The following ADAMTSL1 variants were observed in gnomAD, a reference collection of about 807,000 sequenced individuals.
The protein encoded by ADAMTSL1 is ADAMTS like 1.
Under a neutral mutation model 201.8 loss-of-function variants are expected in ADAMTSL1, and 126 were observed. The observed-to-expected ratio is 0.62, with a 90% CI of 0.54 to 0.72. ADAMTSL1 has a LOEUF of 0.72. ADAMTSL1 is among the 30% of genes least tolerant of loss of function. The probability of loss-of-function intolerance (pLI) is 0.00; values close to 1 mark genes in which losing one functional copy is unlikely to be tolerated. For missense variants in ADAMTSL1, 2,679 were observed against 2,277.8 expected (o/e 1.18, Z -3.59); for synonymous variants, 1,121 against 903.4 (o/e 1.24, Z -4.32).
chr9:18,605,689 C>T (rs1407277099), intron 4 of ADAMTSL1, among the ~76,000 whole-genome samples: 2 of 152,168 alleles, frequency 1.3e-5, no homozygotes, highest in African/African-American at 4.8e-5. Flanking sequence ...ATCTTGAACA[C>T]TTTTGGTGCT....
At chr9:18,852,799 G>C (rs1190647684) in intron 23 of ADAMTSL1, among the ~76,000 whole-genome samples, 1 of 152,132 alleles carries the variant, frequency 6.6e-6, no homozygotes, top group Non-Finnish European at 1.5e-5. Flanking sequence ...ACTGATTTGA[G>C]AATCAAATTA....
At chr9:18,400,900 C>G in intron 2 of ADAMTSL1, among the ~76,000 whole-genome samples, 1 of 152,086 alleles carries the variant, frequency 6.6e-6, no homozygotes, top group African/African-American at 2.4e-5. Flanking sequence ...CTGGCAATAA[C>G]TGTACGATAC....
At chr9:17,930,296 C>T (rs1369905120) in intron 1 of ADAMTSL1, among the ~76,000 whole-genome samples, 5 of 152,042 alleles carry the variant, frequency 3.3e-5, no homozygotes, top group African/African-American at 9.7e-5. Flanking sequence ...ACCCTGGTGC[C>T]TGTATCTGGA....
chr9:18,308,864 C>A (rs905209959), intron 2 of ADAMTSL1, among the ~76,000 whole-genome samples: 4 of 152,140 alleles, frequency 2.6e-5, no homozygotes, highest in African/African-American at 9.7e-5. Flanking sequence ...GAAACCAAAC[C>A]TGGCAGAGAC....
intron 13 of ADAMTSL1, among the ~76,000 whole-genome samples, chr9:18,692,475 C>T (rs1223253559): frequency 2.6e-5 from 4 of 152,104 alleles, no homozygotes; most frequent in Non-Finnish European, 5.9e-5. Context: ...TCTGAACTGT[C>T]GCTTAGCAGA....
At chr9:18,411,194 ATT>A (rs1378773207) in intron 2 of ADAMTSL1, among the ~76,000 whole-genome samples, 3 of 137,746 alleles carry the variant, frequency 2.2e-5, no homozygotes, top group Non-Finnish European at 3.1e-5. Context: ...TTATTTATTT[ATT>A]TTTATTTATT....
intron 3 of ADAMTSL1, among the ~76,000 whole-genome samples, chr9:18,535,398 C>T (rs1819703449): frequency 6.6e-6 from 1 of 152,186 alleles, no homozygotes; most frequent in South Asian, 2.1e-4. Context: ...GTAGGAAGTT[C>T]CGAATTTTCC....
intron 2 of ADAMTSL1, among the ~76,000 whole-genome samples, chr9:18,517,243 C>G (rs958285855): frequency 2.0e-5 from 3 of 152,094 alleles, no homozygotes; most frequent in Non-Finnish European, 4.4e-5. Flanking sequence ...AGGCAGCAAT[C>G]CCCCGGCCCC....
At chr9:18,193,155 T>G (rs1829038581) in intron 2 of ADAMTSL1, among the ~76,000 whole-genome samples, 1 of 152,134 alleles carries the variant, frequency 6.6e-6, no homozygotes, top group Non-Finnish European at 1.5e-5. Flanking sequence ...CTCTCAGAAC[T>G]CATCCCCAGC....
At chr9:18,487,652 C>A (rs550422310) in intron 1 of ADAMTSL1, among the ~76,000 whole-genome samples, 2 of 152,106 alleles carry the variant, frequency 1.3e-5, no homozygotes, top group Admixed American at 1.3e-4. Context: ...CCCATTTTAC[C>A]GGTAAGAAAA....
chr9:18,447,400 T>C (rs554114634), intron 2 of ADAMTSL1, among the ~76,000 whole-genome samples: 1 of 152,184 alleles, frequency 6.6e-6, no homozygotes, highest in Non-Finnish European at 1.5e-5. Flanking sequence ...CCGGTAGGAC[T>C]GGCTTCATGC....
At chr9:18,042,092 T>TG (rs1290583151) in intron 1 of ADAMTSL1, among the ~76,000 whole-genome samples, 2 of 128,450 alleles carry the variant, frequency 1.6e-5, no homozygotes, top group Non-Finnish European at 1.6e-5. Context: ...TTGTAATTGC[T>TG]GGGAAAAAAA....
intron 1 of ADAMTSL1, among the ~76,000 whole-genome samples, chr9:17,977,018 T>A (rs958382170): frequency 6.6e-6 from 1 of 152,048 alleles, no homozygotes. Context: ...ACCTAATTTG[T>A]TGAGAGTTTT....
chr9:18,236,113 C>T (rs566253219), intron 2 of ADAMTSL1, among the ~76,000 whole-genome samples: 2 of 152,300 alleles, frequency 1.3e-5, no homozygotes, highest in Admixed American at 6.5e-5. Flanking sequence ...CAAAATCTAT[C>T]GGGCTGGAGT....
At chr9:18,466,682 G>A (rs1821018413) in intron 2 of ADAMTSL1, among the ~76,000 whole-genome samples, 1 of 152,012 alleles carries the variant, frequency 6.6e-6, no homozygotes, top group East Asian at 1.9e-4. Context: ...ATTAAATTTA[G>A]TTATAGGTTC....
chr9:18,089,857 A>G (rs1018537632), intron 1 of ADAMTSL1, among the ~76,000 whole-genome samples: 2 of 152,192 alleles, frequency 1.3e-5, no homozygotes, highest in Non-Finnish European at 2.9e-5. Flanking sequence ...ATAGTTAACG[A>G]TATTGAGTGG....
chr9:17,924,506 A>T (rs1034936073), intron 1 of ADAMTSL1, among the ~76,000 whole-genome samples: 29 of 150,412 alleles, frequency 1.9e-4, no homozygotes, highest in African/African-American at 6.6e-4. Context: ...CAAAACAGAG[A>T]TATAGATCAA....
At chr9:18,318,522 A>C (rs898057399) in intron 2 of ADAMTSL1, among the ~76,000 whole-genome samples, 2 of 152,202 alleles carry the variant, frequency 1.3e-5, no homozygotes, top group African/African-American at 4.8e-5. Context: ...ATTGGCTTAG[A>C]AGAACCACTG....
At chr9:18,815,854 T>A (rs1353466250) in intron 20 of ADAMTSL1, among the ~76,000 whole-genome samples, 2 of 152,154 alleles carry the variant, frequency 1.3e-5, no homozygotes, top group Non-Finnish European at 1.5e-5. Context: ...GATCATGCTT[T>A]TCAAAATTTT....
Sources: gnomAD v4.1 joint callset for allele counts (sites outside exome capture counted in the v4.1 genomes callset) on GRCh38, gnomAD v4.1.1 for gene constraint, MANE v1.5 for transcripts, NCBI Gene and HGNC (gene_info 2026-07-23, HGNC 2026-07-21) for gene names.